The following TRPC4 variants were observed in gnomAD, a reference collection of about 807,000 sequenced individuals.
TRPC4 encodes transient receptor potential cation channel subfamily C member 4.
In TRPC4, 49 loss-of-function variants were observed where a neutral mutation model predicts 99.4. The observed-to-expected ratio is 0.49, with a 90% CI of 0.39 to 0.63. The LOEUF (loss-of-function observed/expected upper bound fraction) is 0.63. Ranked by LOEUF, TRPC4 falls within the 20% of genes least tolerant of loss-of-function variation. The pLI is 0.00. For synonymous variants in TRPC4, 454 were observed against 425.9 expected (o/e 1.07, Z -0.81); for missense variants, 898 against 1,152.9 (o/e 0.78, Z 3.20).
intron 6 of TRPC4, among the ~76,000 whole-genome samples, chr13:37,656,007 G>C (rs1045876872): frequency 6.6e-5 from 10 of 152,096 alleles, no homozygotes; most frequent in African/African-American, 9.7e-5. Flanking sequence ...AATGCATCTT[G>C]TAAGATGGTA....
intron 4 of TRPC4, among the ~76,000 whole-genome samples, chr13:37,676,097 A>G (rs1169719018): frequency 3.3e-5 from 5 of 152,206 alleles, no homozygotes; most frequent in South Asian, 2.1e-4. Context: ...AGGCATGTAC[A>G]CTTTCAGGCA....
chr13:37,736,141 G>A (rs185645818), intron 3 of TRPC4, among the ~76,000 whole-genome samples: 1 of 152,310 alleles, frequency 6.6e-6, no homozygotes, highest in Admixed American at 6.5e-5. Flanking sequence ...ATAGGTTCCT[G>A]AGCCAGTCTG....
In TRPC4 at chr13:37,635,161, TTC is replaced by T. The variant is rs1951481304; in HGVS notation, c.*1740_*1741del. On this transcript the variant is annotated 3_prime_UTR_variant, in exon 11 of 11. Transcript: ENST00000379705. The stretch of plus-strand genomic sequence containing the variant: ...ACTCTTATGAAGCATACCAAACTCA[TTC>T]TCTCTCAAGGTATAGGACTTCAGAA... Among the ~76,000 whole-genome samples the T allele has an allele frequency of 6.6e-6, 1 of 152,110 alleles. No homozygotes were observed. The highest frequency in any genetic ancestry group is 1.5e-5 in the Non-Finnish European group (1 of 67,996).
intron 4 of TRPC4, among the ~76,000 whole-genome samples, chr13:37,679,709 G>A (rs1054659108): frequency 6.6e-5 from 10 of 152,172 alleles, no homozygotes; most frequent in South Asian, 6.2e-4. Flanking sequence ...CTAGTTTCCC[G>A]TTTTAGTCAT....
intron 5 of TRPC4, 70 bp from the exon 6 acceptor site, chr13:37,663,799 C>A: frequency 7.4e-7 from 1 of 1,346,856 alleles, no homozygotes; most frequent in Non-Finnish European, 1.0e-6. Context: ...AGGTCAGACC[C>A]AGAAGGAAAA....
rs1441490096 is a variant in TRPC4, at chr13:37,636,191, A to G, written c.*712T>C. ...GCAGTTGAATCTGAAATAGGTAATT[A>G]AAAAAACTGGAGGGGCGAGTTTTTT... On this transcript the variant is annotated 3_prime_UTR_variant, in exon 11 of 11. Coordinates refer to ENST00000379705, the MANE Select transcript of TRPC4 (RefSeq NM_016179.4). Among the ~76,000 whole-genome samples, 2 of 152,078 alleles carry G rather than the reference A, an allele frequency of 1.3e-5. No individual in the cohort carries two copies. Among genetic ancestry groups the G allele is most frequent in the Non-Finnish European group, 2.9e-5 (2 of 67,990 alleles).
At chr13:37,761,751 T>C (rs1184967462) in intron 2 of TRPC4, among the ~76,000 whole-genome samples, 1 of 151,870 alleles carries the variant, frequency 6.6e-6, no homozygotes, top group Non-Finnish European at 1.5e-5. Flanking sequence ...AACTGTCTTG[T>C]TCAGTTTGAC....
chr13:37,771,141 C>T (rs942258892), intron 2 of TRPC4, among the ~76,000 whole-genome samples: 1 of 151,478 alleles, frequency 6.6e-6, no homozygotes, highest in Non-Finnish European at 1.5e-5. Context: ...TTATATTTAC[C>T]CTAAAACTGC....
At chr13:37,690,656 A>G (rs988122284) in intron 4 of TRPC4, among the ~76,000 whole-genome samples, 1 of 152,192 alleles carries the variant, frequency 6.6e-6, no homozygotes, top group Non-Finnish European at 1.5e-5. Flanking sequence ...GATTAATGAG[A>G]ACCTACTCTA....
At chr13:37,728,725 TA>T (rs1262750021) in intron 3 of TRPC4, among the ~76,000 whole-genome samples, 1 of 152,026 alleles carries the variant, frequency 6.6e-6, no homozygotes, top group Non-Finnish European at 1.5e-5. Flanking sequence ...AGAGCCAAAA[TA>T]ATCTTGATAA....
chr13:37,661,590 A>C (rs1952438914), intron 6 of TRPC4, among the ~76,000 whole-genome samples: 1 of 152,230 alleles, frequency 6.6e-6, no homozygotes, highest in Admixed American at 6.5e-5. Context: ...AGCAGTTTGC[A>C]CCAGGTTATG....
At chr13:37,694,903 C>A (rs1953857789) in intron 3 of TRPC4, among the ~76,000 whole-genome samples, 1 of 152,124 alleles carries the variant, frequency 6.6e-6, no homozygotes, top group Non-Finnish European at 1.5e-5. Context: ...TGTAAATCCA[C>A]ATATTCTCGT....
intron 2 of TRPC4, among the ~76,000 whole-genome samples, chr13:37,756,240 A>G (rs1428394041): frequency 6.6e-6 from 1 of 150,832 alleles, no homozygotes; most frequent in Non-Finnish European, 1.5e-5. Flanking sequence ...TGGTTGTCAT[A>G]TGAATGAAGA....
intron 1 of TRPC4, among the ~76,000 whole-genome samples, chr13:37,792,387 T>A (rs866571161): frequency 6.6e-6 from 1 of 152,088 alleles, no homozygotes; most frequent in Non-Finnish European, 1.5e-5. Context: ...ATTAGAAGGT[T>A]TTTAGGAATA....
chr13:37,717,536 T>C (rs1954719606), intron 3 of TRPC4, among the ~76,000 whole-genome samples: 2 of 152,148 alleles, frequency 1.3e-5, no homozygotes, highest in African/African-American at 4.8e-5. Flanking sequence ...ATTAGTATGT[T>C]GAAGTCCTAA....
In TRPC4 at chr13:37,663,657, T is replaced by C. The variant is rs1031106409; in HGVS notation, c.1447A>G (p.Ile483Val). Residue 483 changes from isoleucine to valine, a missense_variant, in exon 6 of 11, where the codon ATT becomes GTT. This residue lies in a region of TRPC4 where 274 missense variants were observed against 454.9 expected (regional missense o/e 0.60). Coordinates refer to ENST00000379705, the MANE Select transcript of TRPC4 (RefSeq NM_016179.4). ...CGCAGAGAACTGAAGATGTTTGCAATAGCAAATAAAGCCTCTGCCACCAGA... is the reference window on the plus strand; with the variant it reads ...CGCAGAGAACTGAAGATGTTTGCAACAGCAAATAAAGCCTCTGCCACCAGA... ...PTLVAEALFA[I>V]ANIFSSLRLI... 1.4e-5 allele frequency: 22 copies of C among 1,613,998 alleles called. No individual in the cohort carries two copies. The highest frequency in any genetic ancestry group is 2.7e-5 in the African/African-American group (2 of 74,920).
chr13:37,677,586 A>G (rs988437761), intron 4 of TRPC4, among the ~76,000 whole-genome samples: 30 of 152,192 alleles, frequency 2.0e-4, no homozygotes, highest in African/African-American at 7.0e-4. Flanking sequence ...AAAGATAAAA[A>G]GGCGAATTTG....
chr13:37,830,190 A>C (rs1158281372), intron 1 of TRPC4, among the ~76,000 whole-genome samples: 3 of 152,148 alleles, frequency 2.0e-5, no homozygotes, highest in Non-Finnish European at 4.4e-5. Context: ...TAATTTTTTA[A>C]AAAGTTGAGA....
In TRPC4 at chr13:37,639,478, G is replaced by A. The variant is rs115920348; in HGVS notation, c.2080-179C>T. 5.9e-3 allele frequency among the ~76,000 whole-genome samples: 891 copies of A among 152,162 alleles called. 12 individuals carry two copies. The highest frequency in any genetic ancestry group is 0.02 in the African/African-American group (849 of 41,510). On this transcript the variant is annotated intron_variant, in intron 8 of 10. Coordinates refer to ENST00000379705, the MANE Select transcript of TRPC4 (RefSeq NM_016179.4). ...GAATCAAAAGAATGAGTGAACAAGAGTGTATAATCTATATGACATTTGAAA... is the reference window on the plus strand; with the variant it reads ...GAATCAAAAGAATGAGTGAACAAGAATGTATAATCTATATGACATTTGAAA...
Sources: allele counts gnomAD v4.1 joint callset (sites outside exome capture counted in the v4.1 genomes callset), GRCh38; gene constraint gnomAD v4.1.1; regional missense constraint gnomAD v4.1.1; transcripts MANE v1.5; gene names NCBI Gene and HGNC (gene_info 2026-07-23, HGNC 2026-07-21).